EYS: variants seen among roughly 807,000 people sequenced by gnomAD.
EYS encodes protein eyes shut homolog.
A neutral mutation model predicts 282.1 loss-of-function variants in EYS; 250 were observed. That is an observed-to-expected ratio of 0.89 (90% CI 0.80 to 0.98). The LOEUF is 0.98. EYS is among the 50% of genes least tolerant of loss of function. The probability of loss-of-function intolerance (pLI) is 0.00; values close to 1 mark genes in which losing one functional copy is unlikely to be tolerated. For synonymous variants in EYS, 1,355 were observed against 1,282.9 expected (o/e 1.06, Z -1.20); for missense variants, 4,016 against 3,709.0 (o/e 1.08, Z -2.15).
At chr6:64,360,893 A>G (rs963236345) in intron 29 of EYS, among the ~76,000 whole-genome samples, 2 of 151,678 alleles carry the variant, frequency 1.3e-5, no homozygotes, top group African/African-American at 4.8e-5. Flanking sequence ...GCATGCTCCT[A>G]TTCCTTGTGG....
chr6:64,317,642 C>G (rs1770027484), intron 29 of EYS, among the ~76,000 whole-genome samples: 2 of 152,048 alleles, frequency 1.3e-5, no homozygotes, highest in African/African-American at 4.8e-5. Flanking sequence ...GGATCTAGAA[C>G]TAGATATACC....
At chr6:64,640,853 T>C (rs12523892) in intron 22 of EYS, among the ~76,000 whole-genome samples, 16,359 of 152,238 alleles carry the variant, frequency 0.11, 1,064 homozygotes, top group East Asian at 0.16. Context: ...ACATTTAGTG[T>C]CTCATTTTGG....
chr6:63,982,440 T>A (rs569521475), intron 35 of EYS, among the ~76,000 whole-genome samples: 1 of 151,922 alleles, frequency 6.6e-6, no homozygotes, highest in South Asian at 2.1e-4. Flanking sequence ...TAAAATTCAA[T>A]TCTTTGCAGT....
intron 26 of EYS, among the ~76,000 whole-genome samples, chr6:64,536,254 T>C (rs1242568404): frequency 6.6e-6 from 1 of 152,056 alleles, no homozygotes; most frequent in Non-Finnish European, 1.5e-5. Context: ...CTTACCTGCT[T>C]CGGGAAAACA....
chr6:65,370,280 G>C (rs1447770386), intron 8 of EYS, among the ~76,000 whole-genome samples: 1 of 128,974 alleles, frequency 7.8e-6, no homozygotes, highest in Non-Finnish European at 1.6e-5. Flanking sequence ...TTTGAAACAG[G>C]ATCTTACTCT....
chr6:64,296,580 ATATACATATATATATATATTTTTTTT>A lies in EYS; in HGVS notation c.6191+10364_6191+10389del, dbSNP rs1561913773. ...TATATATATATATATATATATATAT[ATATACATATATATATATATTTTTTTT>A]TTTTTTTTTTTTTTTTTTGAGACGG... On this transcript the variant is annotated intron_variant, in intron 30 of 42. Coordinates refer to ENST00000503581, the MANE Select transcript of EYS (RefSeq NM_001142800.2). Among the ~76,000 whole-genome samples, 21 of 6,128 alleles carry A rather than the reference ATATACATATATATATATATTTTTTTT, an allele frequency of 3.4e-3. No homozygotes were observed. In the East Asian group the frequency reaches 0.045, roughly 13 times the overall value. The allele number at this position is 6,128 out of a possible 152,430, so 4.0% of individuals were successfully genotyped here. A position where few individuals can be genotyped will look rare whatever the true frequency, so the allele number is the denominator to read the frequency against.
chr6:65,353,711 A>C lies in EYS; in HGVS notation c.1300-94T>G, dbSNP rs905041165. 2.9e-6 allele frequency: 3 copies of C among 1,021,326 alleles called. No individual in the cohort carries two copies. In the Admixed American group the frequency reaches 5.8e-5, roughly 20 times the overall value. The allele number at this position is 1,021,326 out of a possible 1,614,324, so 63.3% of individuals were successfully genotyped here. A position where few individuals can be genotyped will look rare whatever the true frequency, so the allele number is the denominator to read the frequency against. Reference sequence around the variant, plus strand: ...ATAAACAGCTAATTTTTAAAACCACAGTGATTATAGAAAACTTTATGGGAC... The same window carrying C: ...ATAAACAGCTAATTTTTAAAACCACCGTGATTATAGAAAACTTTATGGGAC... On this transcript the variant is annotated intron_variant, in intron 8 of 42. Coordinates refer to ENST00000503581, the MANE Select transcript of EYS (RefSeq NM_001142800.2).
intron 35 of EYS, among the ~76,000 whole-genome samples, chr6:63,892,459 G>A (rs565582412): frequency 6.6e-6 from 1 of 152,250 alleles, no homozygotes; most frequent in African/African-American, 2.4e-5. Flanking sequence ...TGACAAACCT[G>A]CCAAAAACAA....
At chr6:65,036,967 C>G (rs748598148) in intron 13 of EYS, among the ~76,000 whole-genome samples, 1 of 151,726 alleles carries the variant, frequency 6.6e-6, no homozygotes, top group Non-Finnish European at 1.5e-5. Context: ...GGGTATATAC[C>G]CAAAGGAATA....
chr6:64,280,095 C>T (rs1768251676), intron 30 of EYS, among the ~76,000 whole-genome samples: 1 of 152,104 alleles, frequency 6.6e-6, no homozygotes, highest in Non-Finnish European at 1.5e-5. Flanking sequence ...GTTGCTCTCT[C>T]ACGTATAAAT....
At chr6:64,747,228 C>T (rs748383567) in intron 22 of EYS, among the ~76,000 whole-genome samples, 5 of 152,116 alleles carry the variant, frequency 3.3e-5, no homozygotes, top group Admixed American at 6.5e-5. Flanking sequence ...TTTTAACTAC[C>T]GTTAATTTCC....
At chr6:64,938,840 G>A (rs1768998805) in intron 15 of EYS, among the ~76,000 whole-genome samples, 1 of 151,632 alleles carries the variant, frequency 6.6e-6, no homozygotes, top group Non-Finnish European at 1.5e-5. Flanking sequence ...CCTATTGTAA[G>A]TTAAGGGATA....
intron 12 of EYS, among the ~76,000 whole-genome samples, chr6:65,196,999 T>C (rs755811858): frequency 6.6e-6 from 1 of 152,044 alleles, no homozygotes; most frequent in Non-Finnish European, 1.5e-5. Flanking sequence ...GAACACTTTT[T>C]GGAAGGACTT....
At chr6:65,147,474 T>A (rs1205189844) in intron 12 of EYS, among the ~76,000 whole-genome samples, 1 of 152,076 alleles carries the variant, frequency 6.6e-6, no homozygotes, top group Non-Finnish European at 1.5e-5. Context: ...CAGGCAGTTA[T>A]TTGCAAGATA....
intron 22 of EYS, among the ~76,000 whole-genome samples, chr6:64,640,401 T>A (rs961325594): frequency 3.3e-5 from 5 of 152,190 alleles, no homozygotes; most frequent in Non-Finnish European, 5.9e-5. Context: ...ATAAAAATGA[T>A]GAGTTCATGT....
intron 22 of EYS, among the ~76,000 whole-genome samples, chr6:64,751,257 C>T (rs1300422985): frequency 2.0e-5 from 3 of 152,202 alleles, no homozygotes; most frequent in African/African-American, 7.2e-5. Flanking sequence ...CCCCACCCCT[C>T]CCACGCAGAG....
chr6:65,115,966 A>ATCATCTATCT lies in EYS; in HGVS notation c.2024-58240_2024-58239insAGATAGATGA, dbSNP rs1554154790. ...TGTCTGTCTGTCTGTCTGTCTATCTAATCTATCTATCTATCTATCTATCTA... is the reference window on the plus strand; with the variant it reads ...TGTCTGTCTGTCTGTCTGTCTATCTATCATCTATCTATCTATCTATCTATCTATCTATCTA... On this transcript the variant is annotated intron_variant, in intron 12 of 42. Transcript: ENST00000503581. Among the ~76,000 whole-genome samples, 605 of 144,960 alleles carry ATCATCTATCT rather than the reference A, an allele frequency of 4.2e-3. 2 individuals carry two copies. The highest frequency in any genetic ancestry group is 6.5e-3 in the African/African-American group (249 of 38,486).
chr6:65,540,372 C>T (rs1292749970), intron 2 of EYS, among the ~76,000 whole-genome samples: 1 of 152,112 alleles, frequency 6.6e-6, no homozygotes, highest in Non-Finnish European at 1.5e-5. Context: ...GCTTTAGAAC[C>T]TCTTCAGCAA....
chr6:64,835,746 A>G (rs1055807175), intron 19 of EYS, among the ~76,000 whole-genome samples: 8 of 151,748 alleles, frequency 5.3e-5, no homozygotes, highest in Middle Eastern at 3.4e-3. Context: ...ACTGCTAAAC[A>G]TTTGAATCAA....
Sources: allele counts gnomAD v4.1 joint callset (sites outside exome capture counted in the v4.1 genomes callset), GRCh38; gene constraint gnomAD v4.1.1; transcripts MANE v1.5; gene names NCBI Gene and HGNC (gene_info 2026-07-23, HGNC 2026-07-21).